Variants in ZNF853 observed in about 807,000 individuals in gnomAD.
The protein encoded by ZNF853 is zinc finger protein 853.
In ZNF853, 57 loss-of-function variants were observed where a neutral mutation model predicts 94.7. The observed-to-expected ratio is 0.60, with a 90% CI of 0.49 to 0.75. ZNF853 has a LOEUF of 0.75. ZNF853 is among the 30% of genes least tolerant of loss of function. The pLI is 0.00. For synonymous variants in ZNF853, 448 were observed against 406.3 expected (o/e 1.10, Z -1.23); for missense variants, 785 against 868.9 (o/e 0.90, Z 1.21).
Position 6,622,695 on chromosome 7 carries a change from C to G in ZNF853, c.1704C>G (p.Pro568=), listed in dbSNP as rs768394954. Residue 568 remains proline (P), a synonymous_variant, in exon 3 of 3, where the codon CCC becomes CCG. Coordinates refer to ENST00000457543, the MANE Select transcript of ZNF853 (RefSeq NM_017560.3). The part of the protein sequence containing the change: ...QHQRTHTGER[P]YACGDCGKRF... ...AGCGCACGCACACCGGGGAGCGACC[C>G]TACGCCTGCGGGGACTGTGGCAAGC... is the stretch of plus-strand genomic sequence containing the variant. 1 of 1,576,300 alleles carries G rather than the reference C, an allele frequency of 6.3e-7. No individual in the cohort carries two copies. Among genetic ancestry groups the G allele is most frequent in the East Asian group, 2.3e-5 (1 of 42,606 alleles).
At chr7:6,618,664 TGCGCCACTAC>T in intron 2 of ZNF853, among the ~76,000 whole-genome samples, 1 of 151,624 alleles carries the variant, frequency 6.6e-6, no homozygotes, top group African/African-American at 2.4e-5. Context: ...GAGCTGAGAT[TGCGCCACTAC>T]ACTCCAGCCT....
chr7:6,616,767 AGAATT>A, intron 1 of ZNF853, among the ~76,000 whole-genome samples: 1 of 151,902 alleles, frequency 6.6e-6, no homozygotes, highest in Non-Finnish European at 1.5e-5. Context: ...TAATAAAAAA[AGAATT>A]GAAGGAGGCA....
chr7:6,617,293 C>A lies in ZNF853; in HGVS notation c.116C>A (p.Pro39His). The stretch of plus-strand genomic sequence containing the variant: ...TGTCTTGAGGATGGGGGCCCAGGGC[C>A]TGACACCCTCTCAGGTGAGGGCCTC... ...LQCLEDGGPG[P>H]DTLSGGSGGS... Residue 39 changes from proline to histidine, a missense_variant, in exon 2 of 3, where the codon CCT (proline) becomes CAT (histidine). Coordinates refer to ENST00000457543, the MANE Select transcript of ZNF853 (RefSeq NM_017560.3). 6.7e-7 allele frequency: 1 copy of A among 1,493,130 alleles called. No homozygotes were observed. Among genetic ancestry groups the A allele is most frequent in the South Asian group, 1.3e-5 (1 of 77,798 alleles). The allele number at this position is 1,493,130 out of a possible 1,614,324, so 92.5% of individuals were successfully genotyped here. A position where few individuals can be genotyped will look rare whatever the true frequency, so the allele number is the denominator to read the frequency against.
At chr7:6,616,228 C>T in intron 1 of ZNF853, 42 bp downstream of exon 1, 4 of 1,543,256 alleles carry the variant, frequency 2.6e-6, no homozygotes, top group Non-Finnish European at 3.5e-6. Flanking sequence ...ACCGGGGACG[C>T]GTCCCTTGAG....
Position 6,617,320 on chromosome 7 carries a change from G to T in ZNF853, c.130+13G>T. On this transcript the variant is annotated intron_variant, in intron 2 of 2. Coordinates refer to ENST00000457543, the MANE Select transcript of ZNF853 (RefSeq NM_017560.3). ...GACACCCTCTCAGGTGAGGGCCTCGGGGGATCCCTTGACAGAGCCTCATGC... is the reference window on the plus strand; with the variant it reads ...GACACCCTCTCAGGTGAGGGCCTCGTGGGATCCCTTGACAGAGCCTCATGC... The T allele has an allele frequency of 6.9e-7, 1 of 1,442,550 alleles. No homozygotes were observed. 89.4% of individuals were successfully genotyped at this position (1,442,550 alleles called of 1,614,324 possible).
At position 6,622,716 on chromosome 7, in the gene ZNF853, C is replaced by T. The variant is rs1476967330; in HGVS notation, c.1725C>T (p.Gly575=). 1.3e-6 allele frequency: 2 copies of T among 1,570,670 alleles called. No individual in the cohort carries two copies. Among genetic ancestry groups the T allele is most frequent in the South Asian group, 1.2e-5 (1 of 86,562 alleles). The stretch of plus-strand genomic sequence containing the variant: ...GACCCTACGCCTGCGGGGACTGTGG[C>T]AAGCGCTTCAGCGTCTCCTCCAACC... ...GERPYACGDC[G]KRFSVSSNLL... Residue 575 remains glycine (G), a synonymous_variant, in exon 3 of 3, where the codon GGC becomes GGT. Coordinates refer to ENST00000457543, the MANE Select transcript of ZNF853 (RefSeq NM_017560.3).
Position 6,616,088 on chromosome 7 carries a change from G to C in ZNF853, c.-87G>C. ...CTCTTTCTGGATGGAGGCGCCTCCG[G>C]AAGGAGCCGGCTGCACGCCGTGGCC... On this transcript the variant is annotated 5_prime_UTR_variant, in exon 1 of 3. Transcript: ENST00000457543. 2.1e-6 allele frequency: 3 copies of C among 1,406,056 alleles called. No homozygotes were observed. Among genetic ancestry groups the C allele is most frequent in the Non-Finnish European group, 2.9e-6 (3 of 1,029,552 alleles). 87.1% of individuals were successfully genotyped at this position (1,406,056 alleles called of 1,614,324 possible).
Position 6,622,001 on chromosome 7 carries a change from A to T in ZNF853, c.1010A>T (p.Gln337Leu), listed in dbSNP as rs1782624378. ...CTGGGGTCAGAGCAGGAGCTGGAGCAGCAGCGGCAGGAGTTGGAGCGGCAG... is the reference window on the plus strand; with the variant it reads ...CTGGGGTCAGAGCAGGAGCTGGAGCTGCAGCGGCAGGAGTTGGAGCGGCAG... ...VDLGSEQELE[Q>L]QRQELERQQE... Residue 337 changes from glutamine (Q) to leucine (L), a missense_variant, in exon 3 of 3, where the codon CAG becomes CTG. Transcript: ENST00000457543. 3 of 1,550,286 alleles carry T rather than the reference A, an allele frequency of 1.9e-6. No homozygotes were observed. Among genetic ancestry groups the T allele is most frequent in the South Asian group, 1.2e-5 (1 of 84,000 alleles).
At chr7:6,618,056 T>A in intron 2 of ZNF853, among the ~76,000 whole-genome samples, 1 of 152,032 alleles carries the variant, frequency 6.6e-6, no homozygotes, top group Non-Finnish European at 1.5e-5. Context: ...TCCCAGCACT[T>A]TGGGAGGCCG....
At chr7:6,616,308 G>A in intron 1 of ZNF853, 122 bp downstream of exon 1, 1 of 926,484 alleles carries the variant, frequency 1.1e-6, no homozygotes, top group Non-Finnish European at 1.6e-6. Context: ...GGGCCAGGGT[G>A]GACTCTCAGG....
chr7:6,615,994 C>T lies in ZNF853; in HGVS notation c.-181C>T. The T allele has an allele frequency of 1.8e-6, 1 of 542,976 alleles. No individual in the cohort carries two copies. The highest frequency in any genetic ancestry group is 3.3e-6 in the Non-Finnish European group (1 of 305,326). 33.6% of individuals were successfully genotyped at this position (542,976 alleles called of 1,614,324 possible). ...CCCTTCCCTTGGCCCAGGGCGACCT[C>T]GGCAGCCCAGAGGGCGTGGACCCTC... On this transcript the variant is annotated 5_prime_UTR_variant, in exon 1 of 3. Coordinates refer to ENST00000457543, the MANE Select transcript of ZNF853 (RefSeq NM_017560.3). This position sits in a 1 kb window ranked among gnomAD's most constrained non-coding sequence, Gnocchi z 8.5.
In ZNF853 at chr7:6,617,122, C is replaced by A; in HGVS notation, c.13-68C>A. 3.3e-3 allele frequency: 4,257 copies of A among 1,284,610 alleles called. 105 individuals are homozygous for A. The African/African-American group carries it at 0.058, about 18-fold the overall frequency. 79.6% of individuals were successfully genotyped at this position (1,284,610 alleles called of 1,614,324 possible). ...GGCAGAGGTGGAGGGCCTTTGGGGG[C>A]CTGTGGGCACCTGGCGGGGGTCAAA... On this transcript the variant is annotated intron_variant, in intron 1 of 2. Transcript: ENST00000457543.
Position 6,621,975 on chromosome 7 carries a change from C to G in ZNF853, c.984C>G (p.Asp328Glu). 3.2e-6 allele frequency: 5 copies of G among 1,550,696 alleles called. No homozygotes were observed. The highest frequency in any genetic ancestry group is 4.4e-6 in the Non-Finnish European group (5 of 1,146,950). ...EEVELELMPV[D>E]LGSEQELEQQ... ...TGGAGCTGGAGCTCATGCCGGTGGA[C>G]CTGGGGTCAGAGCAGGAGCTGGAGC... is the stretch of plus-strand genomic sequence containing the variant. The change falls in exon 3 of 3, where the codon GAC becomes GAG. Residue 328 changes from aspartate (D) to glutamate (E), a missense_variant. By Grantham distance (45) the Asp-to-Glu change is conservative. Coordinates refer to ENST00000457543, the MANE Select transcript of ZNF853 (RefSeq NM_017560.3).
At position 6,622,452 on chromosome 7, in the gene ZNF853, C is replaced by T. The variant is rs1368238968; in HGVS notation, c.1461C>T (p.Cys487=). 17 of 1,511,590 alleles carry T rather than the reference C, an allele frequency of 1.1e-5. No individual in the cohort carries two copies. Among genetic ancestry groups the T allele is most frequent in the African/African-American group, 5.7e-5 (4 of 69,822 alleles). The allele number at this position is 1,511,590 out of a possible 1,614,324, so 93.6% of individuals were successfully genotyped here. The part of the protein sequence containing the change: ...RRRARDRPTI[C]GECGKGFSRS... ...GCGCTCGGGACCGGCCGACCATCTG[C>T]GGGGAGTGCGGCAAGGGCTTCAGCC... is the stretch of plus-strand genomic sequence containing the variant. Residue 487 remains cysteine, a synonymous_variant, in exon 3 of 3, where the codon TGC becomes TGT. Transcript: ENST00000457543.
rs1173058339 is a variant in ZNF853, at chr7:6,622,146, G to A, written c.1155G>A (p.Gln385=). 1 of 1,544,028 alleles carries A rather than the reference G, an allele frequency of 6.5e-7. No homozygotes were observed. Among genetic ancestry groups the A allele is most frequent in the Non-Finnish European group, 8.7e-7 (1 of 1,146,630 alleles). Residue 385 remains glutamine (Q), a synonymous_variant, in exon 3 of 3, where the codon CAG becomes CAA. Coordinates refer to ENST00000457543, the MANE Select transcript of ZNF853 (RefSeq NM_017560.3). ...AGCAGCTGGAGCAGCAGGAGGTGCA[G>A]CTGGAGCTGACCCCGGTGGAGCTAG... The part of the protein sequence containing the change: ...QQQQLEQQEV[Q]LELTPVELGA...
chr7:6,621,041 G>GA, intron 2 of ZNF853, 81 bp from the exon 3 acceptor site: 1 of 1,436,042 alleles, frequency 7.0e-7, no homozygotes, highest in African/African-American at 1.4e-5. Flanking sequence ...TGAGGGCAGG[G>GA]TAAGGGGCAG....
Position 6,621,624 on chromosome 7 carries a change from A to ACAG in ZNF853, c.644_646dup (p.Gln215dup). 1.3e-6 allele frequency: 2 copies of ACAG among 1,549,718 alleles called. No homozygotes were observed. Among genetic ancestry groups the ACAG allele is most frequent in the Non-Finnish European group, 1.7e-6 (2 of 1,145,276 alleles). On this transcript the variant is annotated inframe_insertion, in exon 3 of 3. Coordinates refer to ENST00000457543, the MANE Select transcript of ZNF853 (RefSeq NM_017560.3). ...TGTTACAGCAACAGCAGGAACAGTTACAGCAGCAGCAGCTGCTACAACAGC... is the reference window on the plus strand; with the variant it reads ...TGTTACAGCAACAGCAGGAACAGTTACAGCAGCAGCAGCAGCTGCTACAACAGC...
intron 1 of ZNF853, 110 bp from the exon 2 acceptor site, chr7:6,617,080 C>T: frequency 1.6e-5 from 12 of 759,968 alleles, no homozygotes; most frequent in Non-Finnish European, 2.3e-5. Flanking sequence ...TGGAGCTGAC[C>T]GCTCTGGGTG....
rs1782685205 is a variant in ZNF853 at position 6,623,476 on chromosome 7, C to T, written c.*505C>T. The T allele has an allele frequency of 5.0e-6, 2 of 397,620 alleles. No homozygotes were observed. Among genetic ancestry groups the T allele is most frequent in the East Asian group, 3.6e-5 (1 of 28,080 alleles). 24.6% of individuals were successfully genotyped at this position (397,620 alleles called of 1,614,324 possible). ...AAACTGACCAAGGCATCGAATCGTC[C>T]TCAGAGGCATTTGCCTTGAAAATAC... is the stretch of plus-strand genomic sequence containing the variant. On this transcript the variant is annotated 3_prime_UTR_variant, in exon 3 of 3. Transcript: ENST00000457543.
Sources: gnomAD v4.1 joint callset for allele counts (sites outside exome capture counted in the v4.1 genomes callset) on GRCh38, gnomAD v4.1.1 for gene constraint, Gnocchi (gnomAD v3.1) non-coding constraint, MANE v1.5 for transcripts, NCBI Gene and HGNC (gene_info 2026-07-23, HGNC 2026-07-21) for gene names.